NUMA1: variants seen among roughly 807,000 people sequenced by gnomAD.
NUMA1 encodes the protein nuclear mitotic apparatus protein 1.
In NUMA1, 62 loss-of-function variants were observed where a neutral mutation model predicts 237.1. That is an observed-to-expected ratio of 0.26 (90% CI 0.21 to 0.32). The LOEUF is 0.32. Ranked by LOEUF, NUMA1 falls within the 10% of genes least tolerant of loss-of-function variation. The probability of loss-of-function intolerance (pLI) is 1.00; values close to 1 mark genes in which losing one functional copy is unlikely to be tolerated. For missense variants in NUMA1, 2,533 were observed against 2,666.5 expected, an observed-to-expected ratio of 0.95 and a Z score of 1.10; for synonymous variants, 1,028 against 1,066.1, an observed-to-expected ratio of 0.96 and a Z score of 0.70.
In NUMA1 at chr11:72,015,700, C is replaced by T. The variant is rs762175485; in HGVS notation, c.1803G>A (p.Ala601=). Residue 601 remains alanine, a synonymous_variant, in exon 15 of 27, where the codon GCG becomes GCA. Coordinates refer to ENST00000393695, the MANE Select transcript of NUMA1 (RefSeq NM_006185.4). This position sits in a 1 kb window ranked among gnomAD's most constrained non-coding sequence, Gnocchi z 4.0. The stretch of plus-strand genomic sequence containing the variant: ...CCAGTGCCTCCAGCTGCTTGAGAGC[C>T]GCATCCCGCTCCCTTAAGGAGGCCT... The part of the protein sequence containing the change: ...EREASLRERD[A]ALKQLEALEK... The T allele has an allele frequency of 1.1e-5, 18 of 1,613,948 alleles. No individual in the cohort carries two copies. Among genetic ancestry groups the T allele is most frequent in the Admixed American group, 3.3e-5 (2 of 60,004 alleles).
rs555324886 is a variant in NUMA1, at chr11:72,062,302, G to A, written c.-33+7540C>T. The stretch of plus-strand genomic sequence containing the variant: ...TCAGTGATCTTTTTAATTTCTCCTC[G>A]CATTCTCTCCCAAATTTTGGTTTTA... On this transcript the variant is annotated intron_variant, in intron 2 of 26. Coordinates refer to ENST00000393695, the MANE Select transcript of NUMA1 (RefSeq NM_006185.4). 1.2e-4 allele frequency among the ~76,000 whole-genome samples: 18 copies of A among 151,414 alleles called. No individual in the cohort carries two copies. In the South Asian group the frequency reaches 2.9e-3, roughly 25 times the overall value.
intron 22 of NUMA1, 113 bp from the exon 23 acceptor site, chr11:72,005,482 C>A: frequency 1.0e-6 from 1 of 991,580 alleles, no homozygotes. Context: ...TGAAGCCCAG[C>A]ACACCAGTCT....
At chr11:72,008,248 A>G (rs1365765002) in intron 20 of NUMA1, 2 of 393,720 alleles carry the variant, frequency 5.1e-6, no homozygotes, top group Non-Finnish European at 9.9e-6. Context: ...CAAATTAACC[A>G]TGTACTCTTC....
At chr11:72,073,847 C>A (rs992137510) in intron 1 of NUMA1, among the ~76,000 whole-genome samples, 1 of 152,128 alleles carries the variant, frequency 6.6e-6, no homozygotes, top group African/African-American at 2.4e-5. Flanking sequence ...CAGTTGCCTT[C>A]CCTGTAAAAG....
At chr11:72,034,580 C>T (rs1374599857) in intron 3 of NUMA1, among the ~76,000 whole-genome samples, 1 of 151,916 alleles carries the variant, frequency 6.6e-6, no homozygotes, top group Non-Finnish European at 1.5e-5. Context: ...TGGTGGCGTG[C>T]ACCTGTAATC....
chr11:72,050,902 T>TTTTA lies in NUMA1; in HGVS notation c.-32-14928_-32-14927insTAAA, dbSNP rs1466238822. 35 of 152,152 alleles carry TTTTA rather than the reference T, an allele frequency of 2.3e-4. 1 individual carries two copies. Among genetic ancestry groups the TTTTA allele is most frequent in the Non-Finnish European group, 4.8e-4 (33 of 68,396 alleles). The allele number at this position is 152,152 out of a possible 1,614,324, so 9.4% of individuals were successfully genotyped here. On this transcript the variant is annotated intron_variant, in intron 2 of 26. Transcript: ENST00000393695. ...ATACCCACCTTTTTTTTTTTTTTTTTTTTGAGACAGGGTCTTGCTCTGTCA... is the reference window on the plus strand; with the variant it reads ...ATACCCACCTTTTTTTTTTTTTTTTTTTTATTTGAGACAGGGTCTTGCTCTGTCA...
chr11:72,056,961 G>C (rs554318671), intron 2 of NUMA1, among the ~76,000 whole-genome samples: 1 of 149,012 alleles, frequency 6.7e-6, no homozygotes, highest in East Asian at 2.0e-4. Context: ...TCAATGATGA[G>C]ATATCTCAAT....
Position 72,080,540 on chromosome 11 carries a change from A to G in NUMA1, c.-185T>C, listed in dbSNP as rs903240086. 2.0e-5 allele frequency: 3 copies of G among 151,860 alleles called. No individual in the cohort carries two copies. Among genetic ancestry groups the G allele is most frequent in the Non-Finnish European group, 2.9e-5 (2 of 67,940 alleles). 9.4% of individuals were successfully genotyped at this position (151,860 alleles called of 1,614,324 possible). A position where few individuals can be genotyped will look rare whatever the true frequency, so the allele number is the denominator to read the frequency against. On this transcript the variant is annotated 5_prime_UTR_variant, in exon 1 of 27. Transcript: ENST00000393695. ...CTCGCGCCAGCGCTGTGAGCGCACA[A>G]TTAGTTTAAACTATGGCCCCGCCCC...
chr11:72,047,534 C>T (rs866233575), intron 2 of NUMA1, among the ~76,000 whole-genome samples: 25 of 152,164 alleles, frequency 1.6e-4, no homozygotes, highest in Middle Eastern at 6.8e-3. Flanking sequence ...GAGTTCAAGT[C>T]CCCAGTCATC....
At chr11:72,043,242 G>A (rs541680227) in intron 2 of NUMA1, among the ~76,000 whole-genome samples, 4 of 152,072 alleles carry the variant, frequency 2.6e-5, no homozygotes, top group African/African-American at 9.6e-5. Flanking sequence ...GCTCACGCCT[G>A]TAATCCCAGC....
intron 7 of NUMA1, among the ~76,000 whole-genome samples, chr11:72,021,927 A>T (rs1938895115): frequency 6.6e-6 from 1 of 152,146 alleles, no homozygotes; most frequent in African/African-American, 2.4e-5. Flanking sequence ...AAGCTTTTAT[A>T]TATAACTATG....
intron 2 of NUMA1, among the ~76,000 whole-genome samples, chr11:72,059,156 G>T (rs1194093927): frequency 6.6e-6 from 1 of 152,144 alleles, no homozygotes. Flanking sequence ...TCACATACAG[G>T]TATGTGTGTT....
Position 72,014,509 on chromosome 11 carries a change from C to G in NUMA1, c.2994G>C (p.Glu998Asp). 6.2e-7 allele frequency: 1 copy of G among 1,601,862 alleles called. No individual in the cohort carries two copies. The highest frequency in any genetic ancestry group is 8.5e-7 in the Non-Finnish European group (1 of 1,179,862). ...LMESQGQQQE[E>D]RGQQEREVAR... ...CCACCTCCCTTTCCTGCTGCCCACGCTCCTCCTGCTGCTGCCCCTGGCTCT... is the reference window on the plus strand; with the variant it reads ...CCACCTCCCTTTCCTGCTGCCCACGGTCCTCCTGCTGCTGCCCCTGGCTCT... The change falls in exon 15 of 27, where the codon GAG becomes GAC. Residue 998 changes from glutamate to aspartate, a missense_variant. Glu to Asp is a conservative substitution (Grantham distance 45). Coordinates refer to ENST00000393695, the MANE Select transcript of NUMA1 (RefSeq NM_006185.4). The surrounding 1 kb of genome is among the most constrained non-coding windows in gnomAD (Gnocchi z 4.6).
In NUMA1 at chr11:72,014,671, T is replaced by C; in HGVS notation, c.2832A>G (p.Ala944=). ...SRELVKEPAR[A]GDRQPEWLEE... ...CCAGCCACTCGGGCTGTCTGTCTCCTGCCCTCGCAGGCTCCTTGACTAACT... is the reference window on the plus strand; with the variant it reads ...CCAGCCACTCGGGCTGTCTGTCTCCCGCCCTCGCAGGCTCCTTGACTAACT... Residue 944 remains alanine, a synonymous_variant, in exon 15 of 27, where the codon GCA becomes GCG. Transcript: ENST00000393695. This position sits in a 1 kb window ranked among gnomAD's most constrained non-coding sequence, Gnocchi z 4.6. 2 of 1,613,270 alleles carry C rather than the reference T, an allele frequency of 1.2e-6. No individual in the cohort carries two copies. The highest frequency in any genetic ancestry group is 1.7e-6 in the Non-Finnish European group (2 of 1,180,032).
At chr11:72,074,011 G>A (rs1185750755) in intron 1 of NUMA1, among the ~76,000 whole-genome samples, 3 of 151,784 alleles carry the variant, frequency 2.0e-5, no homozygotes, top group Non-Finnish European at 4.4e-5. Context: ...GGCCAACATG[G>A]GGAAACCCGT....
rs139812941 is a variant in NUMA1, at chr11:72,055,691, C to T, written c.-33+14151G>A. On this transcript the variant is annotated intron_variant, in intron 2 of 26. Transcript: ENST00000393695. ...TATGTCATACTGTAATTATTAAATA[C>T]CAGGCAAGCCAGGTCAGGAGGCTTG... Among the ~76,000 whole-genome samples the T allele has an allele frequency of 5.3e-3, 810 of 152,070 alleles. 6 individuals carry two copies. Among genetic ancestry groups the T allele is most frequent in the African/African-American group, 0.016 (677 of 41,484 alleles).
chr11:72,017,801 C>A lies in NUMA1; in HGVS notation c.1005G>T (p.Gln335His). 6 of 1,607,432 alleles carry A rather than the reference C, an allele frequency of 3.7e-6. No individual in the cohort carries two copies. The highest frequency in any genetic ancestry group is 5.1e-6 in the Non-Finnish European group (6 of 1,175,444). ...FKLREFASHL[Q>H]QLQDALNELT... Reference sequence around the variant, plus strand: ...GCTCATTGAGGGCATCCTGTAGCTGCTGCAGATGACTGGCAAACTCCCGCA... The same window carrying A: ...GCTCATTGAGGGCATCCTGTAGCTGATGCAGATGACTGGCAAACTCCCGCA... Residue 335 changes from glutamine (Q) to histidine (H), a missense_variant, in exon 13 of 27, where the codon CAG becomes CAT. By Grantham distance (24) the Gln-to-His change is conservative (BLOSUM62 0). Coordinates refer to ENST00000393695, the MANE Select transcript of NUMA1 (RefSeq NM_006185.4).
chr11:72,017,481 G>A, intron 13 of NUMA1: 4 of 597,332 alleles, frequency 6.7e-6, no homozygotes, highest in Non-Finnish European at 1.2e-5. Context: ...ACTATAAAGT[G>A]AGGGCATTGA....
chr11:72,048,924 T>A (rs1942156289), intron 2 of NUMA1, among the ~76,000 whole-genome samples: 1 of 152,182 alleles, frequency 6.6e-6, no homozygotes. Flanking sequence ...GACCTTGAGC[T>A]TATTTACCAT....
Sources: allele counts gnomAD v4.1 joint callset (sites outside exome capture counted in the v4.1 genomes callset), GRCh38; gene constraint gnomAD v4.1.1; non-coding constraint Gnocchi (gnomAD v3.1); transcripts MANE v1.5; gene names NCBI Gene and HGNC (gene_info 2026-07-23, HGNC 2026-07-21).